The following PAK1 variants were observed in gnomAD, a reference collection of about 807,000 sequenced individuals.
The protein encoded by PAK1 is serine/threonine-protein kinase PAK 1.
Under a neutral mutation model 67.4 loss-of-function variants are expected in PAK1, and 29 were observed. The observed-to-expected ratio is 0.43, with a 90% CI of 0.32 to 0.59. The LOEUF (loss-of-function observed/expected upper bound fraction) is 0.59, where lower values mean the gene tolerates loss of function less well. PAK1 is among the 20% of genes least tolerant of loss of function. The pLI is 0.07. For synonymous variants in PAK1, 223 were observed against 237.4 expected (o/e 0.94, Z 0.56); for missense variants, 337 against 670.7 (o/e 0.50, Z 5.50).
At chr11:77,488,673 T>C in the PAK1 span, among the ~76,000 whole-genome samples, 2 of 151,946 alleles carry the variant, frequency 1.3e-5, no homozygotes, top group South Asian at 2.1e-4. Context: ...TGTGGGAGTC[T>C]CTTAACACAG....
the PAK1 span, among the ~76,000 whole-genome samples, chr11:77,521,225 T>A: frequency 6.6e-6 from 1 of 152,070 alleles, no homozygotes; most frequent in East Asian, 1.9e-4. Flanking sequence ...AAGCTTGGAA[T>A]TGAGTTTGGG....
At position 77,426,110 on chromosome 11, in the gene PAK1, C is replaced by T. The variant is rs115091803; in HGVS notation, c.-21-33569G>A. Among the ~76,000 whole-genome samples the T allele has an allele frequency of 4.3e-3, 624 of 143,482 alleles. 5 individuals are homozygous for T. The highest frequency in any genetic ancestry group is 0.015 in the African/African-American group (589 of 38,008). 94.1% of individuals were successfully genotyped at this position (143,482 alleles called of 152,430 possible). On this transcript the variant is annotated intron_variant, in intron 1 of 14. Coordinates refer to ENST00000356341, the MANE Select transcript of PAK1 (RefSeq NM_002576.5). ...TTTTTTTTTTTTTTTTTACACCACA[C>T]GGCCCTCTCCTAAGACTTGTTAAGA...
chr11:77,498,401 G>A, the PAK1 span, among the ~76,000 whole-genome samples: 1 of 152,196 alleles, frequency 6.6e-6, no homozygotes, highest in Non-Finnish European at 1.5e-5. Flanking sequence ...CACTTCCAGT[G>A]TGATGTCTGC....
chr11:77,376,516 A>G (rs780717456), intron 4 of PAK1, among the ~76,000 whole-genome samples: 1 of 152,116 alleles, frequency 6.6e-6, no homozygotes, highest in Non-Finnish European at 1.5e-5. Context: ...AGGTGGGTGG[A>G]TCATGAGGTC....
At chr11:77,338,855 T>C (rs992020134) in intron 11 of PAK1, among the ~76,000 whole-genome samples, 1 of 152,108 alleles carries the variant, frequency 6.6e-6, no homozygotes, top group Non-Finnish European at 1.5e-5. Context: ...TCCATTTATA[T>C]AAAATGCCCA....
At chr11:77,473,248 C>G (rs1236849967) in intron 1 of PAK1, 1 of 152,416 alleles carries the variant, frequency 6.6e-6, no homozygotes, top group East Asian at 1.9e-4. Context: ...CGTGTGGCCT[C>G]CCGGCTCCAG....
rs575636692 is a variant in PAK1 at position 77,357,731 on chromosome 11, C to T, written c.597+1167G>A. ...TTCTATAAATTAGGAATTACCAATA[C>T]CTTTTTAGAAAGAAATGCTATGAAG... On this transcript the variant is annotated intron_variant, in intron 6 of 14. Coordinates refer to ENST00000356341, the MANE Select transcript of PAK1 (RefSeq NM_002576.5). Among the ~76,000 whole-genome samples, 87 of 152,118 alleles carry T rather than the reference C, an allele frequency of 5.7e-4. 1 individual carries two copies. The highest frequency in any genetic ancestry group is 2.0e-3 in the African/African-American group (83 of 41,496).
At chr11:77,423,255 T>C (rs924615932) in intron 1 of PAK1, among the ~76,000 whole-genome samples, 4 of 149,884 alleles carry the variant, frequency 2.7e-5, no homozygotes, top group African/African-American at 9.8e-5. Context: ...TAGATAGATA[T>C]GAAAGGAAGA....
At chr11:77,510,874 C>T in the PAK1 span, among the ~76,000 whole-genome samples, 1 of 152,236 alleles carries the variant, frequency 6.6e-6, no homozygotes, top group Admixed American at 6.5e-5. Context: ...ATTTATTTGG[C>T]TTATTCCTCT....
At position 77,388,191 on chromosome 11, in the gene PAK1, CAGATTTAGCCTAAGGTTACTT is replaced by C. The variant is rs545227166; in HGVS notation, c.190+4119_190+4139del. ...GAGGCTATGAGATGTATTTTCAGATCAGATTTAGCCTAAGGTTACTTAGATTTAGCCTAGGATTTTCTACAG... is the reference window on the plus strand; with the variant it reads ...GAGGCTATGAGATGTATTTTCAGATCAGATTTAGCCTAGGATTTTCTACAG... On this transcript the variant is annotated intron_variant, in intron 2 of 14. Coordinates refer to ENST00000356341, the MANE Select transcript of PAK1 (RefSeq NM_002576.5). 1.3e-3 allele frequency among the ~76,000 whole-genome samples: 198 copies of C among 152,276 alleles called. 2 individuals carry two copies. In the South Asian group the frequency reaches 0.04, roughly 31 times the overall value.
intron 1 of PAK1, among the ~76,000 whole-genome samples, chr11:77,397,750 T>A (rs1389429161): frequency 6.6e-6 from 1 of 152,184 alleles, no homozygotes; most frequent in Non-Finnish European, 1.5e-5. Flanking sequence ...ACCAAGTTAA[T>A]CAACTATTTT....
At chr11:77,389,327 A>C (rs1950843717) in intron 2 of PAK1, among the ~76,000 whole-genome samples, 1 of 152,178 alleles carries the variant, frequency 6.6e-6, no homozygotes, top group Non-Finnish European at 1.5e-5. Context: ...TTATCTATTC[A>C]TCAGCTGATG....
the PAK1 span, among the ~76,000 whole-genome samples, chr11:77,480,946 T>A: frequency 2.0e-5 from 3 of 152,252 alleles, no homozygotes; most frequent in Non-Finnish European, 4.4e-5. Flanking sequence ...AATTACCTGG[T>A]GTATAATACA....
At chr11:77,423,216 A>G (rs1354333917) in intron 1 of PAK1, among the ~76,000 whole-genome samples, 1 of 151,740 alleles carries the variant, frequency 6.6e-6, no homozygotes, top group African/African-American at 2.4e-5. Context: ...CAGAAGAATG[A>G]AAAAGATCTG....
intron 1 of PAK1, among the ~76,000 whole-genome samples, chr11:77,457,775 A>G (rs1457601981): frequency 1.3e-5 from 2 of 152,250 alleles, no homozygotes; most frequent in Non-Finnish European, 2.9e-5. Flanking sequence ...CAGATTCTGA[A>G]TATTAAAATA....
chr11:77,392,588 C>A, intron 1 of PAK1, 47 bp from the exon 2 acceptor site: 1 of 1,433,994 alleles, frequency 7.0e-7, no homozygotes, highest in South Asian at 1.4e-5. Context: ...TATTTTTGAC[C>A]AAAAGGAAAT....
At chr11:77,502,429 G>A in the PAK1 span, among the ~76,000 whole-genome samples, 1 of 152,138 alleles carries the variant, frequency 6.6e-6, no homozygotes, top group Non-Finnish European at 1.5e-5. Context: ...CAAGTTTTAT[G>A]AATAATGATA....
rs1555167863 is a variant in PAK1 at position 77,408,536 on chromosome 11, C to CAT, written c.-21-15996_-21-15995insAT. Among the ~76,000 whole-genome samples, 729 of 141,192 alleles carry CAT rather than the reference C, an allele frequency of 5.2e-3. 12 individuals carry two copies. The highest frequency in any genetic ancestry group is 0.034 in the South Asian group (156 of 4,648). The allele number at this position is 141,192 out of a possible 152,430, so 92.6% of individuals were successfully genotyped here. ...AGTAGAGCCACTATGGAGAAATACA[C>CAT]ACACACACACACACACACACACACA... On this transcript the variant is annotated intron_variant, in intron 1 of 14. Transcript: ENST00000356341.
intron 1 of PAK1, among the ~76,000 whole-genome samples, chr11:77,404,337 G>A (rs753969198): frequency 6.0e-5 from 9 of 151,066 alleles, no homozygotes; most frequent in Non-Finnish European, 1.0e-4. Context: ...GCGCAATCTC[G>A]GCTCACTGCA....
Sources: gnomAD v4.1 joint callset for allele counts (sites outside exome capture counted in the v4.1 genomes callset) on GRCh38, gnomAD v4.1.1 for gene constraint, MANE v1.5 for transcripts, NCBI Gene and HGNC (gene_info 2026-07-23, HGNC 2026-07-21) for gene names.